Variants in DENND2B observed in about 807,000 individuals in gnomAD.
The protein encoded by DENND2B is DENN domain containing 2B.
A neutral mutation model predicts 116.0 loss-of-function variants in DENND2B; 32 were observed. That is an observed-to-expected ratio of 0.28 (90% CI 0.21 to 0.37). The LOEUF (loss-of-function observed/expected upper bound fraction) is 0.37, where lower values mean the gene tolerates loss of function less well. Ranked by LOEUF, DENND2B falls within the 10% of genes least tolerant of loss-of-function variation. DENND2B has a pLI of 1.00. For missense variants in DENND2B, 1,276 were observed against 1,477.7 expected (o/e 0.86, Z 2.24); for synonymous variants, 588 against 583.9 (o/e 1.01, Z -0.10).
At chr11:8,791,742 G>T (rs2059397334) in intron 1 of DENND2B, among the ~76,000 whole-genome samples, 1 of 149,148 alleles carries the variant, frequency 6.7e-6, no homozygotes, top group Non-Finnish European at 1.5e-5. Context: ...CTCCAGCCTG[G>T]GCTACAGAGC....
At chr11:8,868,166 T>G (rs2063651070) in intron 2 of DENND2B, among the ~76,000 whole-genome samples, 1 of 152,186 alleles carries the variant, frequency 6.6e-6, no homozygotes, top group Non-Finnish European at 1.5e-5. Flanking sequence ...CAACTAGCTC[T>G]TTACCCAGTG....
Position 8,901,031 on chromosome 11 carries a change from G to A in DENND2B, c.-256+9790C>T, listed in dbSNP as rs569218055. Among the ~76,000 whole-genome samples the A allele has an allele frequency of 1.9e-3, 287 of 148,206 alleles. 1 individual carries two copies. The highest frequency in any genetic ancestry group is 3.5e-3 in the Middle Eastern group (1 of 284). ...CTCCCAAAGTGCTGGAATTACAGGC[G>A]TGAGCCACCACACCTGGCCCAAATT... On this transcript the variant is annotated intron_variant, in intron 1 of 22. Coordinates refer to the DENND2B transcript ENST00000534127.
At position 8,714,494 on chromosome 11, in the gene DENND2B, T is replaced by G. The variant is rs117144548; in HGVS notation, c.1942+116A>C. The G allele has an allele frequency of 7.8e-3, 6,591 of 843,300 alleles. 46 individuals are homozygous for G. Among genetic ancestry groups the G allele is most frequent in the Middle Eastern group, 0.011 (46 of 4,030 alleles). 52.2% of individuals were successfully genotyped at this position (843,300 alleles called of 1,614,324 possible). A position where few individuals can be genotyped will look rare whatever the true frequency, so the allele number is the denominator to read the frequency against. ...CCTTTCTTCCCTGTCTGCTCCTCCCTCCTACGTGGCCATTTCCTGGCAGGG... is the reference window on the plus strand; with the variant it reads ...CCTTTCTTCCCTGTCTGCTCCTCCCGCCTACGTGGCCATTTCCTGGCAGGG... On this transcript the variant is annotated intron_variant, in intron 7 of 19. Transcript: ENST00000313726.
At position 8,697,597 on chromosome 11, in the gene DENND2B, C is replaced by T; in HGVS notation, c.2980G>A (p.Ala994Thr). ...EDTLLPRKLQ[A>T]ALEQALERKN... ...CTCTCCAGAGCCTGCTCCAGAGCTG[C>T]CTGTAACTTCCTAGGTAACAACGTG... The change falls in exon 17 of 20, where the codon GCA becomes ACA. Residue 994 changes from alanine to threonine, a missense_variant. Physicochemically the swap from Ala to Thr is moderately conservative, Grantham distance 58. Transcript: ENST00000313726. 6.2e-7 allele frequency: 1 copy of T among 1,614,228 alleles called. No homozygotes were observed. The highest frequency in any genetic ancestry group is 1.1e-5 in the South Asian group (1 of 91,088).
chr11:8,796,824 G>A (rs1302440571), intron 1 of DENND2B, among the ~76,000 whole-genome samples: 1 of 152,030 alleles, frequency 6.6e-6, no homozygotes, highest in Admixed American at 6.6e-5. Context: ...TTTTTTTCCT[G>A]CCCAGAGGGA....
intron 4 of DENND2B, among the ~76,000 whole-genome samples, chr11:8,721,998 T>G (rs1047703152): frequency 6.6e-6 from 1 of 152,254 alleles, no homozygotes; most frequent in African/African-American, 2.4e-5. Flanking sequence ...GGTGCATTTT[T>G]AAGTGTCAGG....
chr11:8,813,860 G>T (rs1276056764), upstream of DENND2B, among the ~76,000 whole-genome samples: 2 of 152,182 alleles, frequency 1.3e-5, no homozygotes, highest in African/African-American at 4.8e-5. Context: ...TGGAATCCCT[G>T]CTTGGGTAAT....
At chr11:8,829,712 AGGAG>A (rs972428747) in intron 4 of DENND2B, among the ~76,000 whole-genome samples, 3 of 152,104 alleles carry the variant, frequency 2.0e-5, no homozygotes, top group Non-Finnish European at 4.4e-5. Flanking sequence ...AAATTGTCTT[AGGAG>A]GGAGAGGCCT....
At chr11:8,797,575 T>G (rs1313283303) in intron 1 of DENND2B, among the ~76,000 whole-genome samples, 2 of 148,796 alleles carry the variant, frequency 1.3e-5, no homozygotes, top group Admixed American at 1.3e-4. Flanking sequence ...AGACAGAGTC[T>G]TGCTCTGTCT....
chr11:8,733,841 C>T (rs552523883), intron 2 of DENND2B, among the ~76,000 whole-genome samples: 1 of 152,340 alleles, frequency 6.6e-6, no homozygotes, highest in Non-Finnish European at 1.5e-5. Context: ...TCTCTCAATG[C>T]CTACCCTGCT....
In DENND2B at chr11:8,702,914, C is replaced by A. The variant is rs1325298592; in HGVS notation, c.2572-194G>T. ...CTCTGCTCTCGTAGCACTCGAACAC[C>A]CAGCCTGTGGGCAAGAGGGCTGCCT... On this transcript the variant is annotated intron_variant, in intron 13 of 19. Coordinates refer to ENST00000313726, the MANE Select transcript of DENND2B (RefSeq NM_213618.2). This position sits in a 1 kb window ranked among gnomAD's most constrained non-coding sequence, Gnocchi z 4.6. 1 of 692,798 alleles carries A rather than the reference C, an allele frequency of 1.4e-6. No homozygotes were observed. The highest frequency in any genetic ancestry group is 2.3e-6 in the Non-Finnish European group (1 of 433,072). The allele number at this position is 692,798 out of a possible 1,614,324, so 42.9% of individuals were successfully genotyped here. A position where few individuals can be genotyped will look rare whatever the true frequency, so the allele number is the denominator to read the frequency against.
At chr11:8,748,696 T>G (rs2051766340) in intron 2 of DENND2B, among the ~76,000 whole-genome samples, 1 of 150,680 alleles carries the variant, frequency 6.6e-6, no homozygotes, top group African/African-American at 2.5e-5. Context: ...GCAGGAAAGG[T>G]GCTTTTTTTA....
chr11:8,807,789 G>C (rs1391160838), intron 1 of DENND2B: 1 of 152,204 alleles, frequency 6.6e-6, no homozygotes, highest in Non-Finnish European at 1.5e-5. Flanking sequence ...CTTAGAGGCT[G>C]TTGTGACATG....
rs146103583 is a variant in DENND2B at position 8,715,622 on chromosome 11, C to T, written c.1826G>A (p.Arg609Gln). ...GGGTACCTTGGGAATGCGGCGGGCCCGGCGGCTGGACAGCAGCTCGCTGGT... is the reference window on the plus strand; with the variant it reads ...GGGTACCTTGGGAATGCGGCGGGCCTGGCGGCTGGACAGCAGCTCGCTGGT... ...STTSELLSSR[R>Q]ARRIPKLVQR... The change falls in exon 6 of 20, where the codon CGG (arginine) becomes CAG (glutamine). Residue 609 changes from arginine to glutamine, a missense_variant. By Grantham distance (43) the Arg-to-Gln change is conservative. Transcript: ENST00000313726. 234 of 1,612,568 alleles carry T rather than the reference C, an allele frequency of 1.5e-4. 1 individual carries two copies. Among genetic ancestry groups the T allele is most frequent in the South Asian group, 8.2e-4 (75 of 91,018 alleles).
intron 1 of DENND2B, among the ~76,000 whole-genome samples, chr11:8,796,447 G>A (rs1255089948): frequency 2.0e-5 from 3 of 152,234 alleles, no homozygotes; most frequent in Non-Finnish European, 2.9e-5. Flanking sequence ...GCTGAGGCAG[G>A]AGAATGGCTT....
At chr11:8,729,895 A>G (rs2047801530) in intron 3 of DENND2B, 55 bp downstream of exon 3, 5 of 1,587,524 alleles carry the variant, frequency 3.1e-6, no homozygotes, top group Non-Finnish European at 4.3e-6. Flanking sequence ...TGCACTGTCC[A>G]TTTAAAAGAA....
chr11:8,880,626 T>C (rs2134727009), intron 2 of DENND2B, among the ~76,000 whole-genome samples: 1 of 152,142 alleles, frequency 6.6e-6, no homozygotes, highest in East Asian at 1.9e-4. Flanking sequence ...GGAGGATAGC[T>C]TGAAGCTAGG....
intron 2 of DENND2B, among the ~76,000 whole-genome samples, chr11:8,747,290 C>A (rs1443261426): frequency 6.6e-6 from 1 of 152,130 alleles, no homozygotes; most frequent in Non-Finnish European, 1.5e-5. Context: ...AAGGCTGATA[C>A]AGTCTGTTAT....
At chr11:8,800,475 C>T (rs1320510958) in intron 1 of DENND2B, among the ~76,000 whole-genome samples, 1 of 152,200 alleles carries the variant, frequency 6.6e-6, no homozygotes, top group East Asian at 1.9e-4. Context: ...CTGTGGAAGC[C>T]TGCAGAAGTA....
Sources: gnomAD v4.1 joint callset for allele counts (sites outside exome capture counted in the v4.1 genomes callset) on GRCh38, gnomAD v4.1.1 for gene constraint, Gnocchi (gnomAD v3.1) non-coding constraint, MANE v1.5 for transcripts, NCBI Gene and HGNC (gene_info 2026-07-23, HGNC 2026-07-21) for gene names.